ROR2: variants seen among roughly 807,000 people sequenced by gnomAD.
ROR2 encodes the protein tyrosine-protein kinase transmembrane receptor ROR2.
ROR2 carries 33 observed loss-of-function variants against 74.9 expected under a neutral mutation model. That is an observed-to-expected ratio of 0.44 (90% confidence interval 0.33 to 0.59). The LOEUF is 0.59. ROR2 is among the 20% of genes least tolerant of loss of function. The probability of loss-of-function intolerance (pLI) is 0.02; values close to 1 mark genes in which losing one functional copy is unlikely to be tolerated. For synonymous variants in ROR2, 586 were observed against 558.7 expected, an observed-to-expected ratio of 1.05 and a Z score of -0.69; for missense variants, 1,216 against 1,313.8, an observed-to-expected ratio of 0.93 and a Z score of 1.15.
chr9:91,928,130 C>T (rs2312737), intron 1 of ROR2, among the ~76,000 whole-genome samples: 3,734 of 152,194 alleles, frequency 0.025, 61 homozygotes, highest in Non-Finnish European at 0.04. Context: ...TACATTCACA[C>T]GCCAAGCCAA....
At chr9:91,751,321 C>T (rs768515944) in intron 4 of ROR2, among the ~76,000 whole-genome samples, 1 of 152,164 alleles carries the variant, frequency 6.6e-6, no homozygotes, top group Non-Finnish European at 1.5e-5. Flanking sequence ...AAGGTCTCCA[C>T]ATCAACCTCC....
chr9:91,840,485 G>A (rs537448139), intron 1 of ROR2, among the ~76,000 whole-genome samples: 22 of 152,338 alleles, frequency 1.4e-4, no homozygotes, highest in Middle Eastern at 3.4e-3. Flanking sequence ...AGACAGGAGA[G>A]ATGTCTGACG....
At chr9:91,928,835 C>A (rs1216208730) in intron 1 of ROR2, among the ~76,000 whole-genome samples, 2 of 152,376 alleles carry the variant, frequency 1.3e-5, no homozygotes, top group East Asian at 3.9e-4. Flanking sequence ...GCAAGCTCCA[C>A]AGGAGAAAAT....
chr9:91,751,578 T>C (rs1298176110), intron 4 of ROR2, among the ~76,000 whole-genome samples: 2 of 152,122 alleles, frequency 1.3e-5, no homozygotes, highest in African/African-American at 2.4e-5. Flanking sequence ...ACACACAAAA[T>C]ATTAAAAATA....
At chr9:91,883,999 C>T (rs1338525468) in intron 1 of ROR2, among the ~76,000 whole-genome samples, 3 of 152,126 alleles carry the variant, frequency 2.0e-5, no homozygotes. Context: ...ACAAAAGAAA[C>T]CCAGAGAGAA....
intron 2 of ROR2, among the ~76,000 whole-genome samples, chr9:91,758,292 C>A (rs1438495453): frequency 6.6e-6 from 1 of 152,204 alleles, no homozygotes; most frequent in South Asian, 2.1e-4. Flanking sequence ...ACGGAATCTG[C>A]AAATGATGAG....
Position 91,913,136 on chromosome 9 carries a change from G to GAAAC in ROR2, c.97+36727_97+36730dup, listed in dbSNP as rs376303441. On this transcript the variant is annotated intron_variant, in intron 1 of 8. Transcript: ENST00000375708. The stretch of plus-strand genomic sequence containing the variant: ...AGAGTGAGAGACTCCATCTAAACAA[G>GAAAC]AAACAAACAAACAAAAAACAAAACA... Among the ~76,000 whole-genome samples, 35 of 151,428 alleles carry GAAAC rather than the reference G, an allele frequency of 2.3e-4. No individual in the cohort carries two copies. The East Asian group carries it at 6.7e-3, about 29-fold the overall frequency.
At chr9:91,907,796 A>AT (rs1830858404) in intron 1 of ROR2, among the ~76,000 whole-genome samples, 1 of 152,216 alleles carries the variant, frequency 6.6e-6, no homozygotes, top group South Asian at 2.1e-4. Flanking sequence ...AATGCAGTAA[A>AT]TTGAGTCATG....
At chr9:91,801,792 C>CT (rs1259493414) in intron 1 of ROR2, among the ~76,000 whole-genome samples, 4 of 152,254 alleles carry the variant, frequency 2.6e-5, no homozygotes, top group African/African-American at 7.2e-5. Context: ...TTTCCAGCAG[C>CT]TTTGACCTCT....
chr9:91,769,393 G>A (rs529298366), intron 2 of ROR2, among the ~76,000 whole-genome samples: 1 of 152,232 alleles, frequency 6.6e-6, no homozygotes, highest in Admixed American at 6.5e-5. Flanking sequence ...TGGCAGCCTG[G>A]TCCTCTCCCT....
At chr9:91,782,328 T>C (rs552452819) in intron 1 of ROR2, among the ~76,000 whole-genome samples, 148 of 152,136 alleles carry the variant, frequency 9.7e-4, no homozygotes, top group African/African-American at 3.4e-3. Flanking sequence ...GTTACTCCCA[T>C]GCATACAAAA....
intron 1 of ROR2, among the ~76,000 whole-genome samples, chr9:91,917,823 T>G (rs1191419753): frequency 6.6e-6 from 1 of 152,240 alleles, no homozygotes; most frequent in Non-Finnish European, 1.5e-5. Context: ...CAGGGCATCC[T>G]TCTGCCTCCA....
chr9:91,882,641 C>T (rs999672568), intron 1 of ROR2, among the ~76,000 whole-genome samples: 4 of 152,088 alleles, frequency 2.6e-5, no homozygotes, highest in African/African-American at 7.2e-5. Context: ...AAAATCCTAA[C>T]CCCAGGACCT....
intron 1 of ROR2, among the ~76,000 whole-genome samples, chr9:91,912,000 A>ACTC (rs150829980): frequency 0.018 from 2,686 of 151,594 alleles, 46 homozygotes; most frequent in South Asian, 0.057. Flanking sequence ...TATCGGAGGT[A>ACTC]CTCCTCCAAA....
At chr9:91,937,650 G>A (rs1463335594) in intron 1 of ROR2, among the ~76,000 whole-genome samples, 1 of 152,084 alleles carries the variant, frequency 6.6e-6, no homozygotes, top group African/African-American at 2.4e-5. Context: ...GTCTTCCCCA[G>A]GAGCTTCAAG....
At chr9:91,818,667 C>T (rs934831799) in intron 1 of ROR2, among the ~76,000 whole-genome samples, 11 of 152,230 alleles carry the variant, frequency 7.2e-5, no homozygotes, top group Non-Finnish European at 1.6e-4. Context: ...CCCACGCTGG[C>T]ATAGTAAGCC....
At chr9:91,738,431 T>C (rs1259024806) in intron 4 of ROR2, among the ~76,000 whole-genome samples, 1 of 152,186 alleles carries the variant, frequency 6.6e-6, no homozygotes, top group Non-Finnish European at 1.5e-5. Context: ...TGTGTTTGTG[T>C]ATACATGCAC....
At chr9:91,922,455 T>A (rs1304086248) in intron 1 of ROR2, among the ~76,000 whole-genome samples, 1 of 148,896 alleles carries the variant, frequency 6.7e-6, no homozygotes, top group East Asian at 2.0e-4. Flanking sequence ...AAATAATTTT[T>A]TTATTTTTTA....
At chr9:91,879,459 C>T (rs1830045494) in intron 1 of ROR2, among the ~76,000 whole-genome samples, 1 of 149,692 alleles carries the variant, frequency 6.7e-6, no homozygotes, top group South Asian at 2.1e-4. Context: ...TGTGTGTGGA[C>T]ACATGAAACA....
Sources: gnomAD v4.1 joint callset for allele counts (sites outside exome capture counted in the v4.1 genomes callset) on GRCh38, gnomAD v4.1.1 for gene constraint, MANE v1.5 for transcripts, NCBI Gene and HGNC (gene_info 2026-07-23, HGNC 2026-07-21) for gene names.